Variants in CSMD3 observed in about 807,000 individuals in gnomAD.
CSMD3 encodes CUB and sushi domain-containing protein 3.
In CSMD3, 177 loss-of-function variants were observed where a neutral mutation model predicts 435.2. That is an observed-to-expected ratio of 0.41 (90% confidence interval 0.36 to 0.46). CSMD3 has a LOEUF of 0.46. Among genes scored for constraint, CSMD3 ranks in the 20% least tolerant of loss-of-function variants. The pLI is 0.34. For synonymous variants in CSMD3, 1,656 were observed against 1,520.5 expected, an observed-to-expected ratio of 1.09 and a Z score of -2.07; for missense variants, 4,265 against 4,504.6, an observed-to-expected ratio of 0.95 and a Z score of 1.52.
At chr8:112,732,959 T>C (rs534573485) in intron 13 of CSMD3, among the ~76,000 whole-genome samples, 40 of 152,206 alleles carry the variant, frequency 2.6e-4, no homozygotes, top group Middle Eastern at 3.4e-3. Flanking sequence ...GTAAACACAA[T>C]TTATTTCAAC....
At chr8:112,783,017 G>A (rs1029288513) in intron 13 of CSMD3, among the ~76,000 whole-genome samples, 4 of 152,136 alleles carry the variant, frequency 2.6e-5, no homozygotes, top group African/African-American at 9.6e-5. Context: ...ACATTCACTG[G>A]TAATAGTAAG....
At chr8:112,681,201 G>GT (rs1051165138) in intron 16 of CSMD3, among the ~76,000 whole-genome samples, 3 of 150,728 alleles carry the variant, frequency 2.0e-5, no homozygotes, top group Non-Finnish European at 4.4e-5. Context: ...CACCCGGCTA[G>GT]TTTTTTTTCT....
chr8:113,191,454 T>C (rs1366209049), intron 3 of CSMD3, among the ~76,000 whole-genome samples: 1 of 151,660 alleles, frequency 6.6e-6, no homozygotes, highest in African/African-American at 2.4e-5. Flanking sequence ...TCCACGTCTA[T>C]TCAGTGTTTG....
At chr8:113,294,588 C>T (rs1033622117) in intron 2 of CSMD3, among the ~76,000 whole-genome samples, 16 of 152,080 alleles carry the variant, frequency 1.1e-4, no homozygotes, top group African/African-American at 2.6e-4. Context: ...AAGAAGTTAA[C>T]GTGAATGCTT....
intron 56 of CSMD3, 98 bp downstream of exon 56, chr8:112,291,412 T>G (rs1819749762): frequency 1.2e-6 from 1 of 865,714 alleles, no homozygotes; most frequent in Admixed American, 2.0e-5. Flanking sequence ...AATATGCTTC[T>G]CTGTGATATA....
chr8:113,403,953 C>A (rs2094521477), intron 1 of CSMD3, among the ~76,000 whole-genome samples: 1 of 151,340 alleles, frequency 6.6e-6, no homozygotes, highest in African/African-American at 2.4e-5. Context: ...AAAAATTCAA[C>A]CACCAAAATG....
In CSMD3 at chr8:112,378,360, C is replaced by T. The variant is rs115871246; in HGVS notation, c.6136+1992G>A. On this transcript the variant is annotated intron_variant, in intron 38 of 70. Transcript: ENST00000297405. ...ACAAAATCAGTATATCAAAGAGATA[C>T]CTCCACTCCCATGTTTATTGCAGCA... Among the ~76,000 whole-genome samples the T allele has an allele frequency of 8.5e-3, 1,296 of 151,994 alleles. 23 individuals are homozygous for T. The highest frequency in any genetic ancestry group is 0.03 in the African/African-American group (1,253 of 41,430).
intron 13 of CSMD3, among the ~76,000 whole-genome samples, chr8:112,732,419 G>T (rs2132018886): frequency 6.6e-6 from 1 of 152,070 alleles, no homozygotes; most frequent in South Asian, 2.1e-4. Flanking sequence ...ATATTAATTT[G>T]AGAAGACATG....
Position 112,595,827 on chromosome 8 carries a change from T to G in CSMD3, c.3716-8592A>C, listed in dbSNP as rs1032566681. On this transcript the variant is annotated intron_variant, in intron 22 of 70. Transcript: ENST00000297405. ...GACAAGCAAATGCTGACCGATTTTGTCACCACCAGGCCTGCCCTAAAAGAG... is the reference window on the plus strand; with the variant it reads ...GACAAGCAAATGCTGACCGATTTTGGCACCACCAGGCCTGCCCTAAAAGAG... Among the ~76,000 whole-genome samples the G allele has an allele frequency of 4.8e-4, 51 of 106,426 alleles. 2 individuals carry two copies. Among genetic ancestry groups the G allele is most frequent in the South Asian group, 1.9e-3 (6 of 3,196 alleles). 69.8% of individuals were successfully genotyped at this position (106,426 alleles called of 152,430 possible).
intron 32 of CSMD3, among the ~76,000 whole-genome samples, chr8:112,436,580 GTA>G (rs1333119550): frequency 6.6e-6 from 1 of 151,494 alleles, no homozygotes; most frequent in Non-Finnish European, 1.5e-5. Context: ...AGATTTTTAT[GTA>G]TATATATGTA....
At chr8:112,430,898 G>GTC (rs953734469) in intron 32 of CSMD3, among the ~76,000 whole-genome samples, 4 of 149,122 alleles carry the variant, frequency 2.7e-5, no homozygotes, top group African/African-American at 9.9e-5. Flanking sequence ...GTGTGTATAT[G>GTC]TGTGTGTGTG....
intron 23 of CSMD3, among the ~76,000 whole-genome samples, chr8:112,583,369 A>G (rs1023464838): frequency 1.3e-5 from 2 of 151,924 alleles, no homozygotes; most frequent in African/African-American, 4.8e-5. Context: ...TAGAAACTGG[A>G]TCTTATCACA....
intron 5 of CSMD3, among the ~76,000 whole-genome samples, chr8:113,095,615 T>C (rs1466049388): frequency 6.6e-6 from 1 of 152,104 alleles, no homozygotes; most frequent in Admixed American, 6.6e-5. Context: ...ATCTTATATG[T>C]CTGTGGGATC....
chr8:113,045,049 T>C (rs1224512179), intron 5 of CSMD3, among the ~76,000 whole-genome samples: 1 of 149,178 alleles, frequency 6.7e-6, no homozygotes, highest in Non-Finnish European at 1.5e-5. Context: ...TGCCTCTATT[T>C]TATGTGCAAC....
intron 32 of CSMD3, among the ~76,000 whole-genome samples, chr8:112,415,715 G>T (rs1811836513): frequency 6.6e-6 from 1 of 152,230 alleles, no homozygotes; most frequent in Non-Finnish European, 1.5e-5. Flanking sequence ...AGGTGGAGTT[G>T]CCCAAGGCTG....
At chr8:112,323,382 C>T (rs1480979751) in intron 45 of CSMD3, among the ~76,000 whole-genome samples, 1 of 152,118 alleles carries the variant, frequency 6.6e-6, no homozygotes, top group East Asian at 1.9e-4. Flanking sequence ...TCCCGCTGTA[C>T]TGGGTTGAAT....
At chr8:112,434,861 A>C (rs1478296803) in intron 32 of CSMD3, among the ~76,000 whole-genome samples, 1 of 152,182 alleles carries the variant, frequency 6.6e-6, no homozygotes, top group Non-Finnish European at 1.5e-5. Flanking sequence ...AACTCAATGA[A>C]AAAGCTCATC....
At chr8:113,083,618 T>C (rs186270928) in intron 5 of CSMD3, among the ~76,000 whole-genome samples, 4 of 151,818 alleles carry the variant, frequency 2.6e-5, no homozygotes, top group African/African-American at 9.7e-5. Context: ...AAAATATAAA[T>C]AGTAAGAGAG....
intron 2 of CSMD3, among the ~76,000 whole-genome samples, chr8:113,301,227 G>T (rs929307127): frequency 6.6e-6 from 1 of 151,976 alleles, no homozygotes. Flanking sequence ...TTAGTGGTAG[G>T]CTTATTGGTG....
Sources: allele counts gnomAD v4.1 joint callset (sites outside exome capture counted in the v4.1 genomes callset), GRCh38; gene constraint gnomAD v4.1.1; transcripts MANE v1.5; gene names NCBI Gene and HGNC (gene_info 2026-07-23, HGNC 2026-07-21).